The following SRCAP variants were observed in gnomAD, a reference collection of about 807,000 sequenced individuals.
SRCAP encodes the protein chromatin remodeling protein SRCAP.
Under a neutral mutation model 263.1 loss-of-function variants are expected in SRCAP, and 46 were observed. The observed-to-expected ratio is 0.17, with a 90% confidence interval of 0.14 to 0.22. The LOEUF (loss-of-function observed/expected upper bound fraction) is 0.22, where lower values mean the gene tolerates loss of function less well. Ranked by LOEUF, SRCAP falls within the 10% of genes least tolerant of loss-of-function variation. The pLI, the probability that SRCAP is intolerant of heterozygous loss-of-function variation, is 1.00. For synonymous variants in SRCAP, 1,813 were observed against 1,662.1 expected (o/e 1.09, Z -2.21); for missense variants, 3,695 against 4,181.9 (o/e 0.88, Z 3.21).
Position 30,739,893 on chromosome 16 carries a change from T to C in SRCAP, c.*160T>C. The C allele has an allele frequency of 3.3e-6, 4 of 1,195,534 alleles. No homozygotes were observed. Among genetic ancestry groups the C allele is most frequent in the Non-Finnish European group, 4.4e-6 (4 of 900,016 alleles). The allele number at this position is 1,195,534 out of a possible 1,614,324, so 74.1% of individuals were successfully genotyped here. The stretch of plus-strand genomic sequence containing the variant: ...ACCAAAGTAGGGGGTAGGCAACTGG[T>C]TGTCATGGAAATGGGGATCATCACA... On this transcript the variant is annotated 3_prime_UTR_variant, in exon 34 of 34. Coordinates refer to ENST00000262518, the MANE Select transcript of SRCAP (RefSeq NM_006662.3).
At chr16:30,722,805 C>A in intron 23 of SRCAP, 57 bp downstream of exon 23, 1 of 1,565,970 alleles carries the variant, frequency 6.4e-7, no homozygotes, top group Non-Finnish European at 8.7e-7. Flanking sequence ...TCCAGGCATG[C>A]GCTGGGCTAC....
chr16:30,724,059 C>T lies in SRCAP; in HGVS notation c.4635C>T (p.Cys1545=). 6.2e-7 allele frequency: 1 copy of T among 1,613,730 alleles called. No individual in the cohort carries two copies. The highest frequency in any genetic ancestry group is 1.1e-5 in the South Asian group (1 of 91,082). Residue 1545 remains cysteine, a synonymous_variant, in exon 25 of 34, where the codon TGC becomes TGT. Transcript: ENST00000262518. ...PGLNSTVAPA[C]SPVLVPASAL... ...TGAACTCAACCGTGGCCCCAGCATGCTCACCTGTCCTGGTGCCAGCTTCGG... is the reference window on the plus strand; with the variant it reads ...TGAACTCAACCGTGGCCCCAGCATGTTCACCTGTCCTGGTGCCAGCTTCGG...
At position 30,721,234 on chromosome 16, in the gene SRCAP, C is replaced by T. The variant is rs1464585161; in HGVS notation, c.3299C>T (p.Pro1100Leu). 6.2e-7 allele frequency: 1 copy of T among 1,613,876 alleles called. No individual in the cohort carries two copies. The highest frequency in any genetic ancestry group is 1.7e-5 in the Admixed American group (1 of 60,010). The stretch of plus-strand genomic sequence containing the variant: ...GTCCTGAGTGGGACCTCACGGCCTC[C>T]CACGCCAACCTTGTCCCTAAAGCCA... ...LGVLSGTSRP[P>L]TPTLSLKPTP... The change falls in exon 21 of 34, where the codon CCC (proline) becomes CTC (leucine). Residue 1100 changes from proline to leucine, a missense_variant. Transcript: ENST00000262518.
chr16:30,709,397 A>T (rs964606202), intron 6 of SRCAP, 116 bp from the exon 7 acceptor site: 4 of 1,052,254 alleles, frequency 3.8e-6, no homozygotes, highest in Non-Finnish European at 5.7e-6. Context: ...ATTTAGTTTT[A>T]CTTTCCTAAG....
chr16:30,713,076 G>A (rs941535778), intron 14 of SRCAP, 132 bp from the exon 15 acceptor site: 46 of 1,088,910 alleles, frequency 4.2e-5, no homozygotes, highest in East Asian at 2.4e-5. Context: ...TCTTTCTGTC[G>A]CTCCATTCTT....
In SRCAP at chr16:30,720,105, G is replaced by T. The variant is rs939706617; in HGVS notation, c.2818-57G>T. The T allele has an allele frequency of 2.6e-6, 4 of 1,560,022 alleles. No individual in the cohort carries two copies. In the South Asian group the frequency reaches 4.7e-5, roughly 18 times the overall value. ...GATAATGGCCTCCAGCTACATCTGC[G>T]TTGCAAAGGATGTGATTTTGTTCTT... On this transcript the variant is annotated intron_variant, in intron 18 of 33. Coordinates refer to ENST00000262518, the MANE Select transcript of SRCAP (RefSeq NM_006662.3).
rs926884468 is a variant in SRCAP, at chr16:30,739,512, C to T, written c.9472C>T (p.Gln3158Ter). Residue 3158 changes from glutamine (Q) to a stop codon, truncating the protein, a stop_gained, in exon 34 of 34, where the codon CAG becomes TAG. Coordinates refer to ENST00000262518, the MANE Select transcript of SRCAP (RefSeq NM_006662.3). LOFTEE classifies it high-confidence loss of function. Reference protein sequence around the residue: ...SPGLAKRGRLQPPSPLGPEGS... With the variant: ...SPGLAKRGRL ...TGGGCTGGCAAAGCGGGGCCGCCTA[C>T]AGCCCCCAAGTCCCCTGGGGCCTGA... The T allele has an allele frequency of 1.9e-6, 3 of 1,612,888 alleles. No individual in the cohort carries two copies. Among genetic ancestry groups the T allele is most frequent in the Non-Finnish European group, 2.5e-6 (3 of 1,179,630 alleles).
chr16:30,719,222 AT>A (rs71149048), intron 18 of SRCAP, among the ~76,000 whole-genome samples: 141,084 of 144,180 alleles, frequency 0.98, 69,057 homozygotes, highest in Non-Finnish European at 1. Flanking sequence ...ATTTATTTTT[AT>A]TTTTTTTTTT....
chr16:30,722,439 T>C (rs1482026286), intron 22 of SRCAP, 124 bp from the exon 23 acceptor site: 1 of 1,499,354 alleles, frequency 6.7e-7, no homozygotes, highest in East Asian at 2.3e-5. Flanking sequence ...TGGATAAAGA[T>C]AGGGAAGAGG....
In SRCAP at chr16:30,733,953, T is replaced by C. The variant is rs1312899073; in HGVS notation, c.6554T>C (p.Met2185Thr). The change falls in exon 30 of 34, where the codon ATG (methionine) becomes ACG (threonine). Residue 2185 changes from methionine (M) to threonine (T), a missense_variant. Coordinates refer to ENST00000262518, the MANE Select transcript of SRCAP (RefSeq NM_006662.3). This position sits in a 1 kb window ranked among gnomAD's most constrained non-coding sequence, Gnocchi z 5.3. ...NILKKANQKR[M>T]LGDMAIEGGN... ...CTAAAAAAGGCAAATCAGAAGAGAA[T>C]GTTGGGGGACATGGCCATTGAGGGA... The C allele has an allele frequency of 1.2e-6, 2 of 1,613,696 alleles. No individual in the cohort carries two copies. Among genetic ancestry groups the C allele is most frequent in the Admixed American group, 3.3e-5 (2 of 59,930 alleles).
At position 30,740,803 on chromosome 16, in the gene SRCAP, C is replaced by G. The variant is rs1417280601; in HGVS notation, c.*1070C>G. 6.6e-6 allele frequency: 1 copy of G among 152,314 alleles called. No individual in the cohort carries two copies. The highest frequency in any genetic ancestry group is 1.5e-5 in the Non-Finnish European group (1 of 68,118). 9.4% of individuals were successfully genotyped at this position (152,314 alleles called of 1,614,324 possible). On this transcript the variant is annotated 3_prime_UTR_variant, in exon 34 of 34. Transcript: ENST00000262518. Reference sequence around the variant, plus strand: ...TGTGCTTACCTCATCTGAGTTATTTCTTTGTATCTACTTCCCTGCAGCTTC... The same window carrying G: ...TGTGCTTACCTCATCTGAGTTATTTGTTTGTATCTACTTCCCTGCAGCTTC...
In SRCAP at chr16:30,723,884, C is replaced by G. The variant is rs2053036128; in HGVS notation, c.4460C>G (p.Ala1487Gly). Residue 1487 changes from alanine (A) to glycine (G), a missense_variant, in exon 25 of 34, where the codon GCT (alanine) becomes GGT (glycine). Around this residue, in one of 12 missense-constraint regions of SRCAP, gnomAD observed 1,347 missense variants for 1,304.4 expected, o/e 1.03. Transcript: ENST00000262518. ...TPPLAPVVPA[A>G]PGPPSLAPSG... Reference sequence around the variant, plus strand: ...CCATTGGCACCTGTTGTCCCAGCGGCTCCTGGACCTCCCTCCTTGGCACCA... The same window carrying G: ...CCATTGGCACCTGTTGTCCCAGCGGGTCCTGGACCTCCCTCCTTGGCACCA... 1.9e-6 allele frequency: 3 copies of G among 1,614,150 alleles called. No individual in the cohort carries two copies. The East Asian group carries it at 6.7e-5, about 36-fold the overall frequency.
chr16:30,699,768 A>C (rs1359304866), intron 1 of SRCAP, 140 bp from the exon 2 acceptor site: 1 of 152,238 alleles, frequency 6.6e-6, no homozygotes, highest in Non-Finnish European at 1.5e-5. Context: ...CGGAATTCAC[A>C]AAACATGATT....
intron 6 of SRCAP, 139 bp downstream of exon 6, chr16:30,707,851 A>G: frequency 8.5e-7 from 1 of 1,171,716 alleles, no homozygotes; most frequent in Non-Finnish European, 1.2e-6. Flanking sequence ...GTATGGATAA[A>G]AAAGTATAGT....
intron 11 of SRCAP, 39 bp downstream of exon 11, chr16:30,711,783 G>A (rs368450913): frequency 1.3e-5 from 21 of 1,609,720 alleles, no homozygotes; most frequent in Non-Finnish European, 1.7e-5. Flanking sequence ...GGGGAGGGTG[G>A]CCATTGGAAG....
Position 30,737,333 on chromosome 16 carries a change from T to C in SRCAP, c.7293T>C (p.Pro2431=). The stretch of plus-strand genomic sequence containing the variant: ...CCACCACACCACCCCGCTGCAGTCC[T>C]GCCAGGGAGCGAGTTCCCAGGCCAG... The part of the protein sequence containing the change: ...RSTTTPPRCS[P]ARERVPRPAP... The change falls in exon 34 of 34, where the codon CCT becomes CCC. Residue 2431 remains proline, a synonymous_variant. Transcript: ENST00000262518. 6.2e-7 allele frequency: 1 copy of C among 1,614,110 alleles called. No homozygotes were observed. The highest frequency in any genetic ancestry group is 8.5e-7 in the Non-Finnish European group (1 of 1,180,016).
Position 30,738,120 on chromosome 16 carries a change from G to C in SRCAP, c.8080G>C (p.Val2694Leu), listed in dbSNP as rs757637739. The change falls in exon 34 of 34, where the codon GTT becomes CTT. Residue 2694 changes from valine to leucine, a missense_variant. Val to Leu is a conservative substitution (Grantham distance 32). Transcript: ENST00000262518. ...CAGCCCAGAGAAGCCACAGGAACTC[G>C]TTACAGCTGAGGTTGCAGCTCCATC... is the stretch of plus-strand genomic sequence containing the variant. ...TSSPEKPQEL[V>L]TAEVAAPSTS... The C allele has an allele frequency of 1.9e-6, 3 of 1,614,010 alleles. No individual in the cohort carries two copies. Among genetic ancestry groups the C allele is most frequent in the Non-Finnish European group, 2.5e-6 (3 of 1,180,024 alleles).
chr16:30,713,505 C>G lies in SRCAP; in HGVS notation c.2301-14C>G. On this transcript the variant is annotated splice_polypyrimidine_tract_variant and intron_variant, in intron 15 of 33. Transcript: ENST00000262518. Reference sequence around the variant, plus strand: ...CTGACCATACTCTCTCTGATTCTCTCTGTCTCTTTGCAGCCAGAGACGCCT... The same window carrying G: ...CTGACCATACTCTCTCTGATTCTCTGTGTCTCTTTGCAGCCAGAGACGCCT... 6.2e-7 allele frequency: 1 copy of G among 1,613,894 alleles called. No individual in the cohort carries two copies. The highest frequency in any genetic ancestry group is 8.5e-7 in the Non-Finnish European group (1 of 1,179,886).
intron 21 of SRCAP, 120 bp downstream of exon 21, chr16:30,721,596 C>T: frequency 7.4e-7 from 1 of 1,343,242 alleles, no homozygotes; most frequent in African/African-American, 1.5e-5. Context: ...AATCCCGGTG[C>T]TTTGGGAGGC....
Sources: gnomAD v4.1 joint callset for allele counts (sites outside exome capture counted in the v4.1 genomes callset) on GRCh38, gnomAD v4.1.1 for gene constraint, gnomAD v4.1.1 regional missense constraint, Gnocchi (gnomAD v3.1) non-coding constraint, MANE v1.5 for transcripts, NCBI Gene and HGNC (gene_info 2026-07-23, HGNC 2026-07-21) for gene names.